ADAMTSL1: variants seen among roughly 807,000 people sequenced by gnomAD.
ADAMTSL1 encodes the protein ADAMTS-like protein 1.
A neutral mutation model predicts 201.8 loss-of-function variants in ADAMTSL1; 126 were observed. The ratio of observed to expected loss-of-function variants is 0.62; its 90% CI spans 0.54 to 0.72. ADAMTSL1 has a LOEUF of 0.72. ADAMTSL1 is among the 30% of genes least tolerant of loss of function. The pLI is 0.00. For synonymous variants in ADAMTSL1, 1,121 were observed against 903.4 expected (o/e 1.24, Z -4.32); for missense variants, 2,679 against 2,277.8 (o/e 1.18, Z -3.59).
chr9:18,117,757 A>G (rs1001497173), intron 1 of ADAMTSL1, among the ~76,000 whole-genome samples: 2 of 152,216 alleles, frequency 1.3e-5, no homozygotes, highest in South Asian at 2.1e-4. Context: ...AAACTAATGT[A>G]ATGTCTGACA....
chr9:18,439,152 T>G (rs1450103906), intron 2 of ADAMTSL1, among the ~76,000 whole-genome samples: 1 of 152,212 alleles, frequency 6.6e-6, no homozygotes, highest in Non-Finnish European at 1.5e-5. Flanking sequence ...CAGGGACTTG[T>G]GTGTCCTGCA....
At chr9:18,647,010 A>G (rs199893635) in intron 7 of ADAMTSL1, among the ~76,000 whole-genome samples, 5 of 152,088 alleles carry the variant, frequency 3.3e-5, no homozygotes, top group Admixed American at 2.0e-4. Context: ...CTGTGAATCC[A>G]TCTGGTCCTG....
intron 2 of ADAMTSL1, among the ~76,000 whole-genome samples, chr9:18,210,748 C>A (rs971101582): frequency 4.6e-5 from 7 of 151,390 alleles, no homozygotes; most frequent in Admixed American, 1.3e-4. Flanking sequence ...GTATACTAGG[C>A]AGGACACCAG....
chr9:18,759,941 T>G (rs751151170), intron 16 of ADAMTSL1, among the ~76,000 whole-genome samples: 19 of 152,198 alleles, frequency 1.2e-4, no homozygotes, highest in Non-Finnish European at 1.9e-4. Context: ...TTTGTTTCTC[T>G]AGGCCCTAAT....
At chr9:18,018,840 C>T (rs552195711) in intron 1 of ADAMTSL1, among the ~76,000 whole-genome samples, 11 of 152,030 alleles carry the variant, frequency 7.2e-5, no homozygotes, top group African/African-American at 1.7e-4. Flanking sequence ...GGATAAATTG[C>T]GAGGTATCAA....
At chr9:18,818,888 C>T (rs1824027220) in intron 21 of ADAMTSL1, among the ~76,000 whole-genome samples, 1 of 152,122 alleles carries the variant, frequency 6.6e-6, no homozygotes, top group Non-Finnish European at 1.5e-5. Flanking sequence ...TGATGTTTCC[C>T]TTCCAGCCTC....
At chr9:18,640,908 T>G (rs377309103) in intron 7 of ADAMTSL1, among the ~76,000 whole-genome samples, 16 of 152,118 alleles carry the variant, frequency 1.1e-4, no homozygotes, top group Admixed American at 9.2e-4. Flanking sequence ...ACCTTCAGAG[T>G]GCGTTTCCTA....
In ADAMTSL1 at chr9:18,079,021, C is replaced by G. The variant is rs185903456; in HGVS notation, c.88-84841C>G. 1.4e-3 allele frequency among the ~76,000 whole-genome samples: 210 copies of G among 152,268 alleles called. 2 individuals are homozygous for G. Among genetic ancestry groups the G allele is most frequent in the African/African-American group, 5.0e-3 (209 of 41,540 alleles). ...CCCAGGCAGGGGTCAGAACCTGTAT[C>G]TGTGGAACCTCCATCCAGAGGTGTG... is the stretch of plus-strand genomic sequence containing the variant. On this transcript the variant is annotated intron_variant, in intron 1 of 29. Transcript: ENST00000680146.
intron 2 of ADAMTSL1, among the ~76,000 whole-genome samples, chr9:18,298,844 T>G (rs1006454323): frequency 6.6e-6 from 1 of 151,838 alleles, no homozygotes; most frequent in Non-Finnish European, 1.5e-5. Context: ...ACCCCGTCTC[T>G]ATTAAAAATA....
intron 1 of ADAMTSL1, among the ~76,000 whole-genome samples, chr9:18,090,736 A>T (rs751851068): frequency 2.3e-4 from 35 of 152,220 alleles, no homozygotes; most frequent in Non-Finnish European, 4.0e-4. Flanking sequence ...AAAATGGTTT[A>T]AAATGGTAAA....
At chr9:18,297,828 T>C (rs1426211861) in intron 2 of ADAMTSL1, among the ~76,000 whole-genome samples, 1 of 152,188 alleles carries the variant, frequency 6.6e-6, no homozygotes, top group Non-Finnish European at 1.5e-5. Flanking sequence ...TGTTAAAAAA[T>C]ATTGTACCTA....
intron 2 of ADAMTSL1, among the ~76,000 whole-genome samples, chr9:18,310,134 A>G (rs1041380381): frequency 2.0e-5 from 3 of 152,082 alleles, no homozygotes; most frequent in Non-Finnish European, 4.4e-5. Flanking sequence ...GGCTAGCCAT[A>G]TGCAGAAAAC....
chr9:18,728,466 A>C (rs1818029786), intron 15 of ADAMTSL1, among the ~76,000 whole-genome samples: 1 of 152,076 alleles, frequency 6.6e-6, no homozygotes, highest in African/African-American at 2.4e-5. Flanking sequence ...TCAGAGAAAA[A>C]AAAAACACAC....
chr9:18,238,303 C>A (rs1007355251), intron 2 of ADAMTSL1, among the ~76,000 whole-genome samples: 1 of 152,162 alleles, frequency 6.6e-6, no homozygotes, highest in African/African-American at 2.4e-5. Context: ...ATTACACTTA[C>A]AGTGACTCCA....
intron 1 of ADAMTSL1, among the ~76,000 whole-genome samples, chr9:17,943,207 G>A (rs961445130): frequency 1.3e-5 from 2 of 152,092 alleles, no homozygotes; most frequent in African/African-American, 4.8e-5. Context: ...CTCCCAAAGT[G>A]CTGGGATTAC....
intron 5 of ADAMTSL1, among the ~76,000 whole-genome samples, chr9:18,623,591 A>G (rs1489746041): frequency 1.6e-4 from 25 of 152,212 alleles, no homozygotes; most frequent in Admixed American, 1.6e-3. Context: ...GCTAGGATAG[A>G]TGGTACAAGT....
chr9:18,299,552 A>G (rs1409069622), intron 2 of ADAMTSL1, among the ~76,000 whole-genome samples: 2 of 152,214 alleles, frequency 1.3e-5, no homozygotes, highest in African/African-American at 4.8e-5. Flanking sequence ...CACAAGGAAC[A>G]GGCTTATTTA....
intron 1 of ADAMTSL1, among the ~76,000 whole-genome samples, chr9:17,959,856 T>A (rs1817662411): frequency 6.6e-6 from 1 of 152,156 alleles, no homozygotes; most frequent in South Asian, 2.1e-4. Context: ...CCAAGTATGA[T>A]CTGATTTATC....
chr9:18,022,317 C>T (rs754638023), intron 1 of ADAMTSL1, among the ~76,000 whole-genome samples: 36 of 152,136 alleles, frequency 2.4e-4, no homozygotes, highest in Non-Finnish European at 4.3e-4. Flanking sequence ...GCACTCTGGC[C>T]CCAGCAGGAG....
Sources: gnomAD v4.1 joint callset for allele counts (sites outside exome capture counted in the v4.1 genomes callset) on GRCh38, gnomAD v4.1.1 for gene constraint, MANE v1.5 for transcripts, NCBI Gene and HGNC (gene_info 2026-07-23, HGNC 2026-07-21) for gene names.